The following ANKRD35 variants were observed in gnomAD, a reference collection of about 807,000 sequenced individuals.
ANKRD35 encodes the protein ankyrin repeat domain-containing protein 35.
ANKRD35 carries 102 observed loss-of-function variants against 109.9 expected under a neutral mutation model. The observed-to-expected ratio is 0.93, with a 90% CI of 0.79 to 1.09. ANKRD35 has a LOEUF of 1.09. ANKRD35 is among the 50% of genes least tolerant of loss of function. ANKRD35 has a pLI of 0.00. For synonymous variants in ANKRD35, 515 were observed against 512.4 expected, an observed-to-expected ratio of 1.01 and a Z score of -0.07; for missense variants, 1,240 against 1,230.1, an observed-to-expected ratio of 1.01 and a Z score of -0.12.
intron 13 of ANKRD35, among the ~76,000 whole-genome samples, chr1:145,867,077 G>T (rs587603914): frequency 1.3e-5 from 2 of 152,204 alleles, no homozygotes; most frequent in East Asian, 3.9e-4. Context: ...TCATAAGTCA[G>T]CCCCCTTAGT....
Position 145,873,885 on chromosome 1 carries a change from G to C in ANKRD35, c.884C>G (p.Ser295Trp). Residue 295 changes from serine to tryptophan, a missense_variant, in exon 10 of 14, where the codon TCG (serine) becomes TGG (tryptophan). Coordinates refer to ENST00000355594, the MANE Select transcript of ANKRD35 (RefSeq NM_144698.5). ...QEEKEDEDPC[S>W]EEWRWKYEEE... The stretch of plus-strand genomic sequence containing the variant: ...TTCATACTTCCACCTCCACTCCTCC[G>C]AGCACGGGTCTTCATCCTCCTTCTC... 1 of 1,614,050 alleles carries C rather than the reference G, an allele frequency of 6.2e-7. No individual in the cohort carries two copies. The highest frequency in any genetic ancestry group is 1.3e-5 in the African/African-American group (1 of 75,040).
intron 3 of ANKRD35, 127 bp from the exon 4 acceptor site, chr1:145,878,159 G>A (rs1041965541): frequency 1.2e-5 from 12 of 1,019,906 alleles, no homozygotes; most frequent in Non-Finnish European, 1.8e-5. Context: ...GCCACACGGG[G>A]CCAGAAATTC....
chr1:145,883,272 A>C (rs978950206), intron 1 of ANKRD35, among the ~76,000 whole-genome samples: 8 of 151,924 alleles, frequency 5.3e-5, no homozygotes, highest in African/African-American at 1.9e-4. Context: ...TTTAGTAGAG[A>C]TAGGGTATCG....
chr1:145,878,016 G>A lies in ANKRD35; in HGVS notation c.276C>T (p.His92=), dbSNP rs1553740450. 6.2e-7 allele frequency: 1 copy of A among 1,613,990 alleles called. No individual in the cohort carries two copies. The highest frequency in any genetic ancestry group is 1.3e-5 in the African/African-American group (1 of 74,920). Reference sequence around the variant, plus strand: ...GTGGCTGGCAGGAGATGGTGGCCAAGTGTAGGGCAGTGCTTCCTGGAACAG... The same window carrying A: ...GTGGCTGGCAGGAGATGGTGGCCAAATGTAGGGCAGTGCTTCCTGGAACAG... ...SKNEDGSTAL[H]LATISCQPQC... Residue 92 remains histidine, a synonymous_variant, in exon 4 of 14, where the codon CAC becomes CAT. Transcript: ENST00000355594.
At position 145,876,452 on chromosome 1, in the gene ANKRD35, A is replaced by C. The variant is rs1570802789; in HGVS notation, c.453+117T>G. The C allele has an allele frequency of 3.2e-6, 4 of 1,260,614 alleles. No homozygotes were observed. The African/African-American group carries it at 4.4e-5, about 14-fold the overall frequency. The allele number at this position is 1,260,614 out of a possible 1,614,324, so 78.1% of individuals were successfully genotyped here. On this transcript the variant is annotated intron_variant, in intron 6 of 13. Coordinates refer to ENST00000355594, the MANE Select transcript of ANKRD35 (RefSeq NM_144698.5). ...GAAGAAGAGGAGAAGCAGGAGGAGA[A>C]GGAAGAGAAGGGTGGTGCTAACACA...
At chr1:145,877,832 A>G in intron 4 of ANKRD35, 136 bp downstream of exon 4, 1 of 790,976 alleles carries the variant, frequency 1.3e-6, no homozygotes, top group Non-Finnish European at 2.0e-6. Context: ...TTGGCAAACA[A>G]ATGATTATCA....
At position 145,879,335 on chromosome 1, in the gene ANKRD35, C is replaced by A. The variant is rs1559177109; in HGVS notation, c.93G>T (p.Gly31=). The A allele has an allele frequency of 6.2e-7, 1 of 1,609,102 alleles. No homozygotes were observed. The highest frequency in any genetic ancestry group is 8.5e-7 in the Non-Finnish European group (1 of 1,177,862). ...CCAGGGCAGCCACGCGTCCCACATCCCCCCTGTGCACTGCCTCCAGCAGCT... is the reference window on the plus strand; with the variant it reads ...CCAGGGCAGCCACGCGTCCCACATCACCCCTGTGCACTGCCTCCAGCAGCT... ...DQKLLEAVHR[G]DVGRVAALAS... The change falls in exon 2 of 14, where the codon GGG becomes GGT. Residue 31 remains glycine, a synonymous_variant. Coordinates refer to ENST00000355594, the MANE Select transcript of ANKRD35 (RefSeq NM_144698.5).
intron 3 of ANKRD35, 39 bp downstream of exon 3, chr1:145,878,352 G>T (rs1553740510): frequency 1.3e-6 from 2 of 1,542,612 alleles, no homozygotes; most frequent in South Asian, 1.2e-5. Flanking sequence ...TGTACCAGGG[G>T]CAAGCAAGCA....
rs782399862 is a variant in ANKRD35, at chr1:145,873,208, C to T, written c.1561G>A (p.Ala521Thr). The change falls in exon 10 of 14, where the codon GCC becomes ACC. Residue 521 changes from alanine (A) to threonine (T), a missense_variant. Ala to Thr is a moderately conservative substitution (Grantham distance 58). Transcript: ENST00000355594. ...GALSRPVMEG[A>T]LGTPRAEAAA... Reference sequence around the variant, plus strand: ...GCCTCAGCACGGGGAGTCCCCAGGGCTCCCTCCATGACCGGTCTTGACAAA... The same window carrying T: ...GCCTCAGCACGGGGAGTCCCCAGGGTTCCCTCCATGACCGGTCTTGACAAA... 1.9e-6 allele frequency: 3 copies of T among 1,614,184 alleles called. No homozygotes were observed. Among genetic ancestry groups the T allele is most frequent in the South Asian group, 1.1e-5 (1 of 91,086 alleles).
rs1420978881 is a variant in ANKRD35 at position 145,872,495 on chromosome 1, C to T, written c.2274G>A (p.Arg758=). Residue 758 remains arginine (R), a synonymous_variant, in exon 10 of 14, where the codon CGG becomes CGA. Coordinates refer to ENST00000355594, the MANE Select transcript of ANKRD35 (RefSeq NM_144698.5). The stretch of plus-strand genomic sequence containing the variant: ...GCTCCCTACACGGGGACAAGGACCC[C>T]CGCAACTGCTGGTTTTCTTCTTGCA... ...ARLQEENQQL[R]GSLSPCREPG... 2.1e-5 allele frequency: 33 copies of T among 1,599,586 alleles called. No individual in the cohort carries two copies. The highest frequency in any genetic ancestry group is 2.7e-5 in the African/African-American group (2 of 74,716).
At chr1:145,871,845 C>A in intron 10 of ANKRD35, 137 bp downstream of exon 10, 1 of 1,133,246 alleles carries the variant, frequency 8.8e-7, no homozygotes, top group Non-Finnish European at 1.2e-6. Flanking sequence ...AGTGTGGTCC[C>A]TGCAAAGGAC....
intron 1 of ANKRD35, among the ~76,000 whole-genome samples, chr1:145,884,197 G>A (rs1654398327): frequency 6.6e-6 from 1 of 152,216 alleles, no homozygotes. Context: ...AACTAAGGAA[G>A]AGTCCATATG....
At chr1:145,871,146 C>CTTTTTTTTT (rs1553738531) in intron 10 of ANKRD35, among the ~76,000 whole-genome samples, 1 of 51,568 alleles carries the variant, frequency 1.9e-5, no homozygotes, top group African/African-American at 6.0e-5. Flanking sequence ...TCTTTCTTTT[C>CTTTTTTTTT]TTTTTTCTTT....
In ANKRD35 at chr1:145,873,757, G is replaced by C. The variant is rs376866282; in HGVS notation, c.1012C>G (p.Arg338Gly). 3.1e-6 allele frequency: 5 copies of C among 1,612,584 alleles called. No homozygotes were observed. The Admixed American group carries it at 5.0e-5, about 16-fold the overall frequency. The change falls in exon 10 of 14, where the codon CGA becomes GGA. Residue 338 changes from arginine (R) to glycine (G), a missense_variant. Transcript: ENST00000355594. ...ACCCCTAGCTCCTGCGCCTGCTCTCGAATCTGGTTCTCAAGGTCCAGATAG... is the reference window on the plus strand; with the variant it reads ...ACCCCTAGCTCCTGCGCCTGCTCTCCAATCTGGTTCTCAAGGTCCAGATAG... Reference protein sequence around the residue: ...AAYLDLENQIREQAQELGVLL... With the variant: ...AAYLDLENQIGEQAQELGVLL...
At chr1:145,875,093 C>A in intron 7 of ANKRD35, 87 bp from the exon 8 acceptor site, 1 of 1,362,144 alleles carries the variant, frequency 7.3e-7, no homozygotes, top group Non-Finnish European at 1.0e-6. Flanking sequence ...AGGGTAAGCT[C>A]TCATTCAGTG....
chr1:145,878,772 G>A (rs192980175), intron 2 of ANKRD35, among the ~76,000 whole-genome samples: 4 of 152,306 alleles, frequency 2.6e-5, no homozygotes, highest in African/African-American at 9.6e-5. Flanking sequence ...CAGAACCTTA[G>A]CGGAAGTGGA....
At position 145,866,986 on chromosome 1, in the gene ANKRD35, T is replaced by G. The variant is rs1350747083; in HGVS notation, c.*44-221A>C. On this transcript the variant is annotated intron_variant, in intron 13 of 13. Coordinates refer to ENST00000355594, the MANE Select transcript of ANKRD35 (RefSeq NM_144698.5). ...GTAGAGTCCTGCCCTAAGGAACAAC[T>G]GTCTACCACTATCCTACCATCACTC... 2.0e-5 allele frequency among the ~76,000 whole-genome samples: 3 copies of G among 152,240 alleles called. No individual in the cohort carries two copies. In the East Asian group the frequency reaches 5.8e-4, roughly 29 times the overall value.
In ANKRD35 at chr1:145,872,679, T is replaced by C. The variant is rs1553739044; in HGVS notation, c.2090A>G (p.Gln697Arg). ...CCACAGCCCTCGGAGACCGCTGCTC[T>C]GGGAGGCCAGGAGCTTCCGCAGCTT... ...TEKLRKLLAS[Q>R]SSGLRGLWDC... Residue 697 changes from glutamine to arginine, a missense_variant, in exon 10 of 14, where the codon CAG becomes CGG. Gln to Arg is a conservative substitution (Grantham distance 43, BLOSUM62 1). Coordinates refer to ENST00000355594, the MANE Select transcript of ANKRD35 (RefSeq NM_144698.5). 6.2e-7 allele frequency: 1 copy of C among 1,614,148 alleles called. No homozygotes were observed. Among genetic ancestry groups the C allele is most frequent in the Admixed American group, 1.7e-5 (1 of 60,022 alleles).
At chr1:145,879,193 T>C (rs145105960) in intron 2 of ANKRD35, 65 bp downstream of exon 2, 47 of 1,464,090 alleles carry the variant, frequency 3.2e-5, no homozygotes, top group African/African-American at 1.1e-4. Context: ...TCCTATGTTA[T>C]ATTGGATTTG....
Sources: allele counts gnomAD v4.1 joint callset (sites outside exome capture counted in the v4.1 genomes callset), GRCh38; gene constraint gnomAD v4.1.1; transcripts MANE v1.5; gene names NCBI Gene and HGNC (gene_info 2026-07-23, HGNC 2026-07-21).